Variants in GRM7 observed in about 807,000 individuals in gnomAD.
GRM7 encodes the protein metabotropic glutamate receptor 7.
A neutral mutation model predicts 84.5 loss-of-function variants in GRM7; 35 were observed. The observed-to-expected ratio is 0.41, with a 90% CI of 0.32 to 0.55. The LOEUF is 0.55. Ranked by LOEUF, GRM7 falls within the 20% of genes least tolerant of loss-of-function variation. The pLI is 0.19. For missense variants in GRM7, 1,003 were observed against 1,194.6 expected (o/e 0.84, Z 2.36); for synonymous variants, 487 against 455.1 (o/e 1.07, Z -0.89).
intron 7 of GRM7, among the ~76,000 whole-genome samples, chr3:7,512,953 T>C (rs1438729751): frequency 1.3e-5 from 2 of 152,172 alleles, no homozygotes; most frequent in African/African-American, 4.8e-5. Flanking sequence ...ATTAAGTGTT[T>C]AGCATAATAG....
chr3:7,196,606 G>T (rs1695887553), intron 2 of GRM7, among the ~76,000 whole-genome samples: 1 of 152,066 alleles, frequency 6.6e-6, no homozygotes, highest in African/African-American at 2.4e-5. Flanking sequence ...CTGCTGGCCT[G>T]GAAAGTTTCT....
chr3:7,146,391 A>G, intron 1 of GRM7, 61 bp from the exon 2 acceptor site: 1 of 1,249,248 alleles, frequency 8.0e-7, no homozygotes, highest in African/African-American at 1.5e-5. Context: ...TGTCATAAGT[A>G]TAAATGAGTC....
intron 2 of GRM7, among the ~76,000 whole-genome samples, chr3:7,263,304 G>C (rs940439086): frequency 6.6e-6 from 1 of 152,198 alleles, no homozygotes; most frequent in Non-Finnish European, 1.5e-5. Flanking sequence ...GCGCTGGAGA[G>C]GGAGAGGTGC....
intron 1 of GRM7, among the ~76,000 whole-genome samples, chr3:7,069,542 GA>G (rs2124981875): frequency 6.6e-6 from 1 of 152,200 alleles, no homozygotes; most frequent in Non-Finnish European, 1.5e-5. Flanking sequence ...GGAAAAGGGA[GA>G]ATATCCAATG....
chr3:7,531,877 G>T (rs952335725), intron 7 of GRM7, among the ~76,000 whole-genome samples: 15 of 152,108 alleles, frequency 9.9e-5, no homozygotes, highest in African/African-American at 3.6e-4. Flanking sequence ...TCCTTGTCTT[G>T]TGCTGATTTT....
At chr3:7,143,008 C>G (rs7644671) in intron 1 of GRM7, among the ~76,000 whole-genome samples, 1 of 151,884 alleles carries the variant, frequency 6.6e-6, no homozygotes, top group Non-Finnish European at 1.5e-5. Flanking sequence ...GAGATGGAAT[C>G]TCTCTTTTTA....
At chr3:7,218,754 A>G (rs891178011) in intron 2 of GRM7, among the ~76,000 whole-genome samples, 1 of 151,902 alleles carries the variant, frequency 6.6e-6, no homozygotes, top group South Asian at 2.1e-4. Context: ...TTGTCTTTTC[A>G]TATCAATTTA....
intron 7 of GRM7, among the ~76,000 whole-genome samples, chr3:7,502,324 TA>T (rs1171031495): frequency 6.6e-6 from 1 of 152,198 alleles, no homozygotes; most frequent in Non-Finnish European, 1.5e-5. Flanking sequence ...ATATTACTCC[TA>T]AAAATATCAC....
chr3:7,367,866 C>T (rs959909440), intron 4 of GRM7, among the ~76,000 whole-genome samples: 6 of 150,370 alleles, frequency 4.0e-5, no homozygotes, highest in Non-Finnish European at 8.9e-5. Flanking sequence ...TGAAACCTTA[C>T]ATTCCACATT....
intron 9 of GRM7, among the ~76,000 whole-genome samples, chr3:7,738,064 G>T (rs1420915510): frequency 6.6e-6 from 1 of 151,976 alleles, no homozygotes; most frequent in Admixed American, 6.6e-5. Context: ...GACCAGGCTG[G>T]TCTTAAACTT....
chr3:7,423,398 G>C (rs1363474373), intron 5 of GRM7, among the ~76,000 whole-genome samples: 2 of 152,188 alleles, frequency 1.3e-5, no homozygotes, highest in Admixed American at 6.5e-5. Flanking sequence ...AGTCTGTCAG[G>C]CTTGCCTGTT....
chr3:7,737,079 T>G (rs942440687), intron 9 of GRM7, among the ~76,000 whole-genome samples: 19 of 152,164 alleles, frequency 1.2e-4, no homozygotes. Flanking sequence ...TTCCATAGAA[T>G]GCACTTTGAG....
chr3:7,240,151 G>C (rs2124919009), intron 2 of GRM7, among the ~76,000 whole-genome samples: 1 of 12,924 alleles, frequency 7.7e-5, no homozygotes, highest in African/African-American at 2.6e-4. Context: ...TTTTCCAGTG[G>C]CTTAATTTCA....
At chr3:6,865,462 T>A (rs1036687740) in intron 1 of GRM7, among the ~76,000 whole-genome samples, 5 of 152,078 alleles carry the variant, frequency 3.3e-5, no homozygotes, top group Admixed American at 3.3e-4. Context: ...CTTGCTACAT[T>A]CTGACTCTGA....
intron 4 of GRM7, among the ~76,000 whole-genome samples, chr3:7,315,681 G>T (rs1229100366): frequency 6.6e-6 from 1 of 152,158 alleles, no homozygotes. Context: ...TCTGTTCTCA[G>T]GGCCACTGCT....
chr3:7,502,994 G>A (rs1247225739), intron 7 of GRM7, among the ~76,000 whole-genome samples: 3 of 152,016 alleles, frequency 2.0e-5, no homozygotes, highest in Admixed American at 2.0e-4. Context: ...ACTTCTTTGC[G>A]TATACAATAG....
At chr3:7,663,778 G>A (rs1456138011) in intron 8 of GRM7, among the ~76,000 whole-genome samples, 1 of 152,100 alleles carries the variant, frequency 6.6e-6, no homozygotes, top group African/African-American at 2.4e-5. Flanking sequence ...GAGACTCAAA[G>A]GCAAGGTGAA....
chr3:7,395,470 C>A (rs1395997027), intron 4 of GRM7, among the ~76,000 whole-genome samples: 5 of 152,104 alleles, frequency 3.3e-5, no homozygotes, highest in Admixed American at 3.3e-4. Context: ...GGAATAATTT[C>A]TATTGTTATA....
At chr3:7,508,239 G>A (rs971826788) in intron 7 of GRM7, among the ~76,000 whole-genome samples, 2 of 152,126 alleles carry the variant, frequency 1.3e-5, no homozygotes, top group Non-Finnish European at 2.9e-5. Flanking sequence ...CATTAGAGGT[G>A]AAAATCAGAT....
Sources: gnomAD v4.1 joint callset for allele counts (sites outside exome capture counted in the v4.1 genomes callset) on GRCh38, gnomAD v4.1.1 for gene constraint, MANE v1.5 for transcripts, NCBI Gene and HGNC (gene_info 2026-07-23, HGNC 2026-07-21) for gene names.